Variants in MUC5B observed in about 807,000 individuals in gnomAD.
MUC5B encodes the protein mucin-5B.
A neutral mutation model predicts 376.9 loss-of-function variants in MUC5B; 116 were observed. That is an observed-to-expected ratio of 0.31 (90% CI 0.26 to 0.36). The LOEUF is 0.36. Among genes scored for constraint, MUC5B ranks in the 10% least tolerant of loss-of-function variants. MUC5B has a pLI of 1.00. For missense variants in MUC5B, 7,165 were observed against 7,769.9 expected, an observed-to-expected ratio of 0.92 and a Z score of 2.93; for synonymous variants, 3,517 against 3,390.9, an observed-to-expected ratio of 1.04 and a Z score of -1.29.
At position 1,234,991 on chromosome 11, in the gene MUC5B, G is replaced by A; in HGVS notation, c.2631-94G>A. The A allele has an allele frequency of 3.4e-6, 5 of 1,463,314 alleles. No individual in the cohort carries two copies. The highest frequency in any genetic ancestry group is 4.5e-6 in the Non-Finnish European group (5 of 1,106,054). 90.6% of individuals were successfully genotyped at this position (1,463,314 alleles called of 1,614,324 possible). A position where few individuals can be genotyped will look rare whatever the true frequency, so the allele number is the denominator to read the frequency against. On this transcript the variant is annotated intron_variant, in intron 21 of 48. Transcript: ENST00000529681. This position sits in a 1 kb window ranked among gnomAD's most constrained non-coding sequence, Gnocchi z 6.3. ...TCAGGCTGGGCCTGGGGAGGCTGAG[G>A]CCCCGTGCTGACCTGCACAGGCCTG...
In MUC5B at chr11:1,246,356, G is replaced by A. The variant is rs759815561; in HGVS notation, c.9476G>A (p.Gly3159Glu). Residue 3159 changes from glycine to glutamate, a missense_variant, in exon 31 of 49, where the codon GGG becomes GAG. By Grantham distance (98) the Gly-to-Glu change is moderately conservative. Around this residue, in one of 31 missense-constraint regions of MUC5B, gnomAD observed 939 missense variants for 770.6 expected, o/e 1.22. Coordinates refer to ENST00000529681, the MANE Select transcript of MUC5B (RefSeq NM_002458.3). ...GPTATPSSTPGTTWILTEPST... is the reference protein window; with the variant it reads ...GPTATPSSTPETTWILTEPST... ...ACGGCCACCCCGTCCTCCACCCCAG[G>A]GACCACCTGGATCCTCACAGAGCCC... 57 of 1,603,934 alleles carry A rather than the reference G, an allele frequency of 3.6e-5. No homozygotes were observed. The highest frequency in any genetic ancestry group is 4.7e-5 in the Non-Finnish European group (55 of 1,173,640).
rs199590922 is a variant in MUC5B at position 1,247,946 on chromosome 11, C to T, written c.11066C>T (p.Thr3689Met). Residue 3689 changes from threonine to methionine, a missense_variant, in exon 31 of 49, where the codon ACG becomes ATG. Transcript: ENST00000529681. Reference protein sequence around the residue: ...STATPSSTPGTTWILTKLTTT... With the variant: ...STATPSSTPGMTWILTKLTTT... ...GCCACGCCCTCCTCAACTCCGGGGA[C>T]GACCTGGATCCTCACAAAGCTGACC... The T allele has an allele frequency of 1.8e-4, 293 of 1,611,402 alleles. 7 individuals carry two copies. The highest frequency in any genetic ancestry group is 5.8e-4 in the East Asian group (26 of 44,874).
chr11:1,261,602 T>C lies in MUC5B; in HGVS notation c.17283T>C (p.Ala5761=). ...GCTTCCCGGCCCAGGAGGCCACTGC[T>C]GTCTGAGAACGTTCTGCCTCCATCC... is the stretch of plus-strand genomic sequence containing the variant. ...TRGFPAQEAT[A]V The change falls in exon 49 of 49, where the codon GCT becomes GCC. Residue 5761 remains alanine, a synonymous_variant. Transcript: ENST00000529681. 6.2e-7 allele frequency: 1 copy of C among 1,603,978 alleles called. No homozygotes were observed. Among genetic ancestry groups the C allele is most frequent in the Non-Finnish European group, 8.5e-7 (1 of 1,176,428 alleles).
chr11:1,235,043 G>C, intron 21 of MUC5B, 42 bp from the exon 22 acceptor site: 10 of 1,582,140 alleles, frequency 6.3e-6, no homozygotes, highest in Non-Finnish European at 8.6e-6. Flanking sequence ...AAGGCCGGGA[G>C]AGCAGGCCCC....
At chr11:1,223,425 G>A in intron 1 of MUC5B, 1 of 658,822 alleles carries the variant, frequency 1.5e-6, no homozygotes, top group Non-Finnish European at 2.8e-6. Context: ...GGAGAAGGTG[G>A]GCCCCTGACC....
rs971412859 is a variant in MUC5B at position 1,254,827 on chromosome 11, T to C, written c.15611T>C (p.Phe5204Ser). 7 of 1,612,422 alleles carry C rather than the reference T, an allele frequency of 4.3e-6. No homozygotes were observed. Among genetic ancestry groups the C allele is most frequent in the Non-Finnish European group, 5.9e-6 (7 of 1,179,788 alleles). Residue 5204 changes from phenylalanine to serine, a missense_variant, in exon 35 of 49, where the codon TTC becomes TCC. By Grantham distance (155) the Phe-to-Ser change is radical. Coordinates refer to ENST00000529681, the MANE Select transcript of MUC5B (RefSeq NM_002458.3). The part of the protein sequence containing the change: ...GVSVTFNGQV[F>S]QARLPYSLFH... Reference sequence around the variant, plus strand: ...AGCGTCACCTTCAATGGCCAAGTCTTCCAGGCCCGGCTGCCCTACAGCCTC... The same window carrying C: ...AGCGTCACCTTCAATGGCCAAGTCTCCCAGGCCCGGCTGCCCTACAGCCTC...
rs370239835 is a variant in MUC5B, at chr11:1,258,179, G to A, written c.16531G>A (p.Asp5511Asn). 16 of 1,599,308 alleles carry A rather than the reference G, an allele frequency of 1.0e-5. No homozygotes were observed. The Admixed American group carries it at 1.4e-4, about 14-fold the overall frequency. The stretch of plus-strand genomic sequence containing the variant: ...GTCCATCTGCACCCAGGAGGAGGGC[G>A]ACTGCTGTCCCACCTTCCGCTGCAG... ...QESICTQEEG[D>N]CCPTFRCRPQ... Residue 5511 changes from aspartate (D) to asparagine (N), a missense_variant, in exon 42 of 49, where the codon GAC becomes AAC. Transcript: ENST00000529681. This position sits in a 1 kb window ranked among gnomAD's most constrained non-coding sequence, Gnocchi z 5.5.
At position 1,242,464 on chromosome 11, in the gene MUC5B, C is replaced by A; in HGVS notation, c.5584C>A (p.Gln1862Lys). 3 of 1,613,772 alleles carry A rather than the reference C, an allele frequency of 1.9e-6. No homozygotes were observed. Among genetic ancestry groups the A allele is most frequent in the Non-Finnish European group, 1.7e-6 (2 of 1,179,800 alleles). The change falls in exon 31 of 49, where the codon CAG becomes AAG. Residue 1862 changes from glutamine (Q) to lysine (K), a missense_variant. Physicochemically the swap from Gln to Lys is moderately conservative, Grantham distance 53. Coordinates refer to ENST00000529681, the MANE Select transcript of MUC5B (RefSeq NM_002458.3). ...ETGLTCKNED[Q>K]TGRFNMCFNY... ...GGGGCTGACCTGCAAGAACGAAGAC[C>A]AGACAGGCAGGTTCAACATGTGCTT... is the stretch of plus-strand genomic sequence containing the variant.
In MUC5B at chr11:1,248,480, C is replaced by A. The variant is rs760255789; in HGVS notation, c.11600C>A (p.Thr3867Asn). The change falls in exon 31 of 49, where the codon ACT becomes AAT. Residue 3867 changes from threonine (T) to asparagine (N), a missense_variant. By Grantham distance (65) the Thr-to-Asn change is moderately conservative. This residue lies in a region of MUC5B where 242 missense variants were observed against 199.0 expected (regional missense o/e 1.22). Coordinates refer to ENST00000529681, the MANE Select transcript of MUC5B (RefSeq NM_002458.3). ...ACAGCTCACACTACCAAAGTGCCGA[C>A]TACCACAACCACGGGCTTCACAGTC... Reference protein sequence around the residue: ...PGTAHTTKVPTTTTTGFTVTP... With the variant: ...PGTAHTTKVPNTTTTGFTVTP... 2.5e-6 allele frequency: 4 copies of A among 1,606,116 alleles called. No homozygotes were observed. Among genetic ancestry groups the A allele is most frequent in the Non-Finnish European group, 3.4e-6 (4 of 1,175,056 alleles).
At chr11:1,252,629 C>A in intron 32 of MUC5B, 105 bp downstream of exon 32, 1 of 1,378,042 alleles carries the variant, frequency 7.3e-7, no homozygotes, top group Non-Finnish European at 9.6e-7. Flanking sequence ...AGTGACCCCG[C>A]CGCCAGTATC....
chr11:1,254,517 C>G (rs1191384958), intron 34 of MUC5B, among the ~76,000 whole-genome samples, 166 bp downstream of exon 34: 2 of 152,208 alleles, frequency 1.3e-5, no homozygotes, highest in Admixed American at 1.3e-4. Flanking sequence ...CGAGCGCACC[C>G]TGTGGCCTAA....
chr11:1,234,607 G>A lies in MUC5B; in HGVS notation c.2557G>A (p.Glu853Lys). The A allele has an allele frequency of 1.3e-6, 2 of 1,566,126 alleles. No homozygotes were observed. Among genetic ancestry groups the A allele is most frequent in the Non-Finnish European group, 1.7e-6 (2 of 1,156,202 alleles). The change falls in exon 21 of 49, where the codon GAG (glutamate) becomes AAG (lysine). Residue 853 changes from glutamate to lysine, a missense_variant. Physicochemically the swap from Glu to Lys is moderately conservative, Grantham distance 56. Coordinates refer to ENST00000529681, the MANE Select transcript of MUC5B (RefSeq NM_002458.3). This position sits in a 1 kb window ranked among gnomAD's most constrained non-coding sequence, Gnocchi z 6.3. ...TGGGAGTGGGGGCTGCATTGCCGAG[G>A]AGGACTGCCCCTGTGTGCACAACGA... is the stretch of plus-strand genomic sequence containing the variant. ...SDGSGGCIAE[E>K]DCPCVHNEAT...
chr11:1,223,427 C>T lies in MUC5B; in HGVS notation c.70+234C>T, dbSNP rs565749374. The T allele has an allele frequency of 1.2e-5, 8 of 652,962 alleles. No individual in the cohort carries two copies. The East Asian group carries it at 2.0e-4, about 16-fold the overall frequency. 40.4% of individuals were successfully genotyped at this position (652,962 alleles called of 1,614,324 possible). ...GATGGGGTGTCCAGGAGAAGGTGGG[C>T]CCCTGACCGCAGGGCAAGGCCCCTG... is the stretch of plus-strand genomic sequence containing the variant. On this transcript the variant is annotated intron_variant, in intron 1 of 48. Transcript: ENST00000529681.
chr11:1,225,532 T>C, intron 1 of MUC5B, 149 bp from the exon 2 acceptor site: 1 of 698,198 alleles, frequency 1.4e-6, no homozygotes, highest in East Asian at 2.8e-5. Flanking sequence ...CCACAGTGTG[T>C]CGTGAGGGTG....
intron 3 of MUC5B, 26 bp downstream of exon 3, chr11:1,226,302 C>CG (rs1564930698): frequency 6.5e-7 from 1 of 1,548,974 alleles, no homozygotes; most frequent in East Asian, 2.4e-5. Context: ...CCCTGCCAGC[C>CG]GGGAAGGGGG....
In MUC5B at chr11:1,246,922, A is replaced by G; in HGVS notation, c.10042A>G (p.Thr3348Ala). 6.2e-7 allele frequency: 1 copy of G among 1,609,450 alleles called. No individual in the cohort carries two copies. Reference sequence around the variant, plus strand: ...ACCCACAACCAGAGGCTCCACGGTGACCCCCTCCTCCATCCCGGGGACCAC... The same window carrying G: ...ACCCACAACCAGAGGCTCCACGGTGGCCCCCTCCTCCATCCCGGGGACCAC... ...TTPTTRGSTV[T>A]PSSIPGTTHT... The change falls in exon 31 of 49, where the codon ACC (threonine) becomes GCC (alanine). Residue 3348 changes from threonine (T) to alanine (A), a missense_variant. Around this residue, in one of 31 missense-constraint regions of MUC5B, gnomAD observed 939 missense variants for 770.6 expected, o/e 1.22. Transcript: ENST00000529681.
chr11:1,256,519 G>T, intron 38 of MUC5B, 152 bp from the exon 39 acceptor site: 3 of 41,954 alleles, frequency 7.2e-5, no homozygotes, highest in South Asian at 5.6e-4. Flanking sequence ...AGCCCCACCC[G>T]TCCCCGCCCC....
Position 1,259,820 on chromosome 11 carries a change from C to T in MUC5B, c.16778C>T (p.Thr5593Met), listed in dbSNP as rs533140243. The T allele has an allele frequency of 8.7e-6, 14 of 1,612,388 alleles. No homozygotes were observed. Among genetic ancestry groups the T allele is most frequent in the East Asian group, 4.5e-5 (2 of 44,878 alleles). ...CGECVQTACL[T>M]PDGQPVQLNE... ...GAGTGCGTCCAGACCGCCTGCCTCA[C>T]GCCCGATGGCCAGCCAGTCCAGGTA... is the stretch of plus-strand genomic sequence containing the variant. Residue 5593 changes from threonine (T) to methionine (M), a missense_variant, in exon 45 of 49, where the codon ACG becomes ATG. Thr to Met is a moderately conservative substitution (Grantham distance 81). Transcript: ENST00000529681.
rs1590190876 is a variant in MUC5B, at chr11:1,254,167, C to T, written c.15293C>T (p.Thr5098Ile). The change falls in exon 34 of 49, where the codon ACC becomes ATC. Residue 5098 changes from threonine (T) to isoleucine (I), a missense_variant. Coordinates refer to ENST00000529681, the MANE Select transcript of MUC5B (RefSeq NM_002458.3). Reference sequence around the variant, plus strand: ...TCTTACACCTTCCGGGGCAACTGCACCTATGTCCTCATGAGAGAGATCCAT... The same window carrying T: ...TCTTACACCTTCCGGGGCAACTGCATCTATGTCCTCATGAGAGAGATCCAT... Reference protein sequence around the residue: ...GTSYTFRGNCTYVLMREIHAR... With the variant: ...GTSYTFRGNCIYVLMREIHAR... The T allele has an allele frequency of 6.2e-7, 1 of 1,612,976 alleles. No individual in the cohort carries two copies.
Sources: gnomAD v4.1 joint callset for allele counts (sites outside exome capture counted in the v4.1 genomes callset) on GRCh38, gnomAD v4.1.1 for gene constraint, gnomAD v4.1.1 regional missense constraint, Gnocchi (gnomAD v3.1) non-coding constraint, MANE v1.5 for transcripts, NCBI Gene and HGNC (gene_info 2026-07-23, HGNC 2026-07-21) for gene names.